Variants in ZXDC observed in about 807,000 individuals in gnomAD.
The protein encoded by ZXDC is zinc finger protein ZXDC.
In ZXDC, 58 loss-of-function variants were observed where a neutral mutation model predicts 63.6. That is an observed-to-expected ratio of 0.91 (90% CI 0.74 to 1.13). The LOEUF (loss-of-function observed/expected upper bound fraction) is 1.13. Among genes scored for constraint, ZXDC ranks in the 50% most tolerant of loss-of-function variants. The probability of loss-of-function intolerance (pLI) is 0.00; values close to 1 mark genes in which losing one functional copy is unlikely to be tolerated. For synonymous variants in ZXDC, 561 were observed against 496.1 expected, an observed-to-expected ratio of 1.13 and a Z score of -1.74; for missense variants, 1,133 against 1,148.9, an observed-to-expected ratio of 0.99 and a Z score of 0.20.
Position 126,475,733 on chromosome 3 carries a change from C to T in ZXDC, c.133G>A (p.Gly45Ser). 1 of 1,201,302 alleles carries T rather than the reference C, an allele frequency of 8.3e-7. No individual in the cohort carries two copies. Among genetic ancestry groups the T allele is most frequent in the Non-Finnish European group, 1.0e-6 (1 of 970,478 alleles). 74.4% of individuals were successfully genotyped at this position (1,201,302 alleles called of 1,614,324 possible). Residue 45 changes from glycine to serine, a missense_variant, in exon 1 of 10, where the codon GGC (glycine) becomes AGC (serine). Gly to Ser is a moderately conservative substitution (Grantham distance 56, BLOSUM62 0). Transcript: ENST00000389709. The stretch of plus-strand genomic sequence containing the variant: ...GCCCCGGGCCCGCCATCTTCAGGGC[C>T]CCGCACCAGTAGCAGGCGGCGGCGC... ...PARRRLLLVR[G>S]PEDGGPGARP...
In ZXDC at chr3:126,440,625, C is replaced by T. The variant is rs1300647411; in HGVS notation, c.2395-898G>A. Reference sequence around the variant, plus strand: ...CTGAGGCAGTGTTTCCTTGGATGGTCCTCCCCCTCCCCCTGCCCCTGCTCC... The same window carrying T: ...CTGAGGCAGTGTTTCCTTGGATGGTTCTCCCCCTCCCCCTGCCCCTGCTCC... On this transcript the variant is annotated intron_variant, in intron 8 of 9. Coordinates refer to ENST00000389709, the MANE Select transcript of ZXDC (RefSeq NM_025112.5). 14 of 986,262 alleles carry T rather than the reference C, an allele frequency of 1.4e-5. No individual in the cohort carries two copies. In the Middle Eastern group the frequency reaches 1.5e-3, roughly 108 times the overall value. 61.1% of individuals were successfully genotyped at this position (986,262 alleles called of 1,614,324 possible).
intron 9 of ZXDC, among the ~76,000 whole-genome samples, chr3:126,439,237 A>G (rs9860012): frequency 0.068 from 10,345 of 152,362 alleles, 482 homozygotes; most frequent in African/African-American, 0.12. Flanking sequence ...CGCTTTCGCT[A>G]TTTCATATCA....
intron 7 of ZXDC, chr3:126,451,945 C>G (rs1243676032): frequency 1.0e-6 from 1 of 985,328 alleles, no homozygotes; most frequent in Non-Finnish European, 1.2e-6. Context: ...ACAAAAAGAA[C>G]AAGGGCAGGC....
At chr3:126,442,271 G>A (rs1933713143) in intron 7 of ZXDC, 1 of 184,248 alleles carries the variant, frequency 5.4e-6, no homozygotes, top group African/African-American at 2.4e-5. Flanking sequence ...TGGCTGGCAG[G>A]AATCCCAAGC....
In ZXDC at chr3:126,475,420, G is replaced by C; in HGVS notation, c.446C>G (p.Ala149Gly). The C allele has an allele frequency of 8.4e-7, 1 of 1,184,134 alleles. No individual in the cohort carries two copies. Among genetic ancestry groups the C allele is most frequent in the Non-Finnish European group, 1.0e-6 (1 of 957,948 alleles). The allele number at this position is 1,184,134 out of a possible 1,614,324, so 73.4% of individuals were successfully genotyped here. A position where few individuals can be genotyped will look rare whatever the true frequency, so the allele number is the denominator to read the frequency against. Residue 149 changes from alanine (A) to glycine (G), a missense_variant, in exon 1 of 10, where the codon GCG (alanine) becomes GGG (glycine). Transcript: ENST00000389709. The stretch of plus-strand genomic sequence containing the variant: ...GCCCGCGGTTGCGGGGCCGGGCGGC[G>C]CAGACAGCGCGAGGACGCCGCGGTC... ...RLDRGVLALS[A>G]PPGPATAGAA...
At chr3:126,466,062 T>G (rs1230353776) in intron 5 of ZXDC, 93 bp downstream of exon 5, 1 of 1,463,296 alleles carries the variant, frequency 6.8e-7, no homozygotes, top group Non-Finnish European at 9.2e-7. Context: ...GCCTGACGCC[T>G]TCCAAGAGGT....
At chr3:126,470,850 G>A in intron 4 of ZXDC, 45 bp downstream of exon 4, 5 of 1,604,786 alleles carry the variant, frequency 3.1e-6, no homozygotes, top group Non-Finnish European at 4.3e-6. Flanking sequence ...ATAAATGTTG[G>A]CATTGCACTT....
Position 126,472,188 on chromosome 3 carries a change from G to A in ZXDC, c.1025C>T (p.Ala342Val). 1 of 1,612,500 alleles carries A rather than the reference G, an allele frequency of 6.2e-7. No individual in the cohort carries two copies. The highest frequency in any genetic ancestry group is 8.5e-7 in the Non-Finnish European group (1 of 1,178,552). Residue 342 changes from alanine to valine, a missense_variant, in exon 2 of 10, where the codon GCC becomes GTC. Ala to Val is a moderately conservative substitution (Grantham distance 64, BLOSUM62 0). Transcript: ENST00000389709. Reference protein sequence around the residue: ...FPGCSKQYDKACRLKIHLRSH... With the variant: ...FPGCSKQYDKVCRLKIHLRSH... ...CCGCAGGTGAATTTTCAGCCGACAG[G>A]CTTTATCATACTGCTTGCTGCACCC...
chr3:126,458,364 G>C (rs922485414), intron 7 of ZXDC, among the ~76,000 whole-genome samples: 3 of 151,476 alleles, frequency 2.0e-5, no homozygotes, highest in Admixed American at 2.0e-4. Flanking sequence ...AGCCTCCCAA[G>C]TAGCTAGGAT....
chr3:126,467,563 G>A (rs185121834), intron 4 of ZXDC, among the ~76,000 whole-genome samples: 28 of 152,342 alleles, frequency 1.8e-4, no homozygotes, highest in African/African-American at 5.5e-4. Flanking sequence ...GATAGGATAC[G>A]GCCAGATGAG....
Position 126,439,744 on chromosome 3 carries a change from G to GA in ZXDC, c.2395-18dup, listed in dbSNP as rs1560086996. The GA allele has an allele frequency of 6.5e-7, 1 of 1,548,208 alleles. No individual in the cohort carries two copies. ...GGGGTCATCCTGGGAAGGCAACACA[G>GA]AAAGGCCTGTCACATGTCTGTGAGA... On this transcript the variant is annotated splice_polypyrimidine_tract_variant and intron_variant, in intron 8 of 9. Transcript: ENST00000389709.
intron 6 of ZXDC, 193 bp downstream of exon 6, chr3:126,461,342 A>T (rs1934525277): frequency 2.9e-6 from 4 of 1,373,536 alleles, no homozygotes; most frequent in Non-Finnish European, 3.7e-6. Context: ...AATAAATGAG[A>T]ATTTAAGGCT....
intron 1 of ZXDC, among the ~76,000 whole-genome samples, chr3:126,472,610 C>A (rs903661916): frequency 1.3e-5 from 2 of 152,166 alleles, no homozygotes; most frequent in African/African-American, 2.4e-5. Context: ...GAGCACTGAT[C>A]CTGCACACAC....
Position 126,441,299 on chromosome 3 carries a change from AC to A in ZXDC, c.2394+465del, listed in dbSNP as rs1362487843. The A allele has an allele frequency of 5.0e-6, 5 of 992,570 alleles. No homozygotes were observed. The East Asian group carries it at 5.5e-4, about 110-fold the overall frequency. The allele number at this position is 992,570 out of a possible 1,614,324, so 61.5% of individuals were successfully genotyped here. A position where few individuals can be genotyped will look rare whatever the true frequency, so the allele number is the denominator to read the frequency against. On this transcript the variant is annotated intron_variant, in intron 8 of 9. Transcript: ENST00000389709. ...ATAGAAAAACACTGAAAAGACCCCC[AC>A]CACCTTCAGCATAGAAAGGCTGCTA...
intron 6 of ZXDC, chr3:126,460,191 T>C (rs1934469220): frequency 1.0e-6 from 1 of 960,438 alleles, no homozygotes; most frequent in Non-Finnish European, 1.2e-6. Context: ...GCAGGGGCTA[T>C]ACTTTGTCAA....
intron 7 of ZXDC, chr3:126,450,599 G>A (rs985225021): frequency 1.3e-5 from 6 of 451,434 alleles, no homozygotes; most frequent in African/African-American, 2.0e-5. Context: ...CGGACTGACC[G>A]CCCCTGCTGA....
chr3:126,460,692 A>G, intron 6 of ZXDC: 1 of 985,430 alleles, frequency 1.0e-6, no homozygotes, highest in Non-Finnish European at 1.2e-6. Context: ...ACCGACAAGC[A>G]AGACACCAGA....
chr3:126,471,155 T>C, intron 3 of ZXDC, 130 bp from the exon 4 acceptor site: 1 of 1,306,716 alleles, frequency 7.7e-7, no homozygotes. Flanking sequence ...CGGAAAATCT[T>C]AATTCTGTCT....
At chr3:126,466,127 C>A (rs774726702) in intron 5 of ZXDC, 28 bp downstream of exon 5, 6 of 1,596,054 alleles carry the variant, frequency 3.8e-6, no homozygotes, top group African/African-American at 1.4e-5. Flanking sequence ...GGAAGCAGCT[C>A]CCCATGGGGG....
Sources: gnomAD v4.1 joint callset for allele counts (sites outside exome capture counted in the v4.1 genomes callset) on GRCh38, gnomAD v4.1.1 for gene constraint, MANE v1.5 for transcripts, NCBI Gene and HGNC (gene_info 2026-07-23, HGNC 2026-07-21) for gene names.